Variants in SLC43A1 observed in about 807,000 individuals in gnomAD.
SLC43A1 encodes the protein large neutral amino acids transporter small subunit 3.
In SLC43A1, 31 loss-of-function variants were observed where a neutral mutation model predicts 59.5. The ratio of observed to expected loss-of-function variants is 0.52; its 90% CI spans 0.39 to 0.70. The LOEUF is 0.70. SLC43A1 is among the 30% of genes least tolerant of loss of function. SLC43A1 has a pLI of 0.00. For synonymous variants in SLC43A1, 259 were observed against 290.9 expected, an observed-to-expected ratio of 0.89 and a Z score of 1.12; for missense variants, 598 against 717.8, an observed-to-expected ratio of 0.83 and a Z score of 1.91.
In SLC43A1 at chr11:57,491,704, G is replaced by A; in HGVS notation, c.1018+12C>T. On this transcript the variant is annotated intron_variant, in intron 9 of 14. Coordinates refer to ENST00000278426, the MANE Select transcript of SLC43A1 (RefSeq NM_003627.6). ...GTGCCCCCAACCCCCAGGGGCCTCA[G>A]CGGTGCCTCACCATGCTCCTGGCCA... 4 of 1,614,256 alleles carry A rather than the reference G, an allele frequency of 2.5e-6. No individual in the cohort carries two copies. The highest frequency in any genetic ancestry group is 2.5e-6 in the Non-Finnish European group (3 of 1,180,050).
At chr11:57,503,916 A>G (rs1010327539) in intron 2 of SLC43A1, among the ~76,000 whole-genome samples, 1 of 152,158 alleles carries the variant, frequency 6.6e-6, no homozygotes, top group Admixed American at 6.5e-5. Flanking sequence ...AAGATCGGCC[A>G]GGTGCGGTGG....
At chr11:57,498,583 C>T (rs937725091) in intron 5 of SLC43A1, among the ~76,000 whole-genome samples, 1 of 152,152 alleles carries the variant, frequency 6.6e-6, no homozygotes, top group Non-Finnish European at 1.5e-5. Context: ...TTGTCGTTGT[C>T]CCAGCCCTAA....
chr11:57,493,943 G>C, intron 8 of SLC43A1, 50 bp downstream of exon 8: 1 of 1,514,908 alleles, frequency 6.6e-7, no homozygotes, highest in Non-Finnish European at 8.9e-7. Flanking sequence ...CTGAATATGA[G>C]GACCCACCAT....
At chr11:57,497,707 C>T (rs753813477) in intron 6 of SLC43A1, 46 bp downstream of exon 6, 1 of 1,495,638 alleles carries the variant, frequency 6.7e-7, no homozygotes, top group South Asian at 1.2e-5. Context: ...TCGGCCCCAC[C>T]CGGTTCTTGT....
intron 5 of SLC43A1, among the ~76,000 whole-genome samples, chr11:57,500,326 T>G (rs1017234773): frequency 6.6e-6 from 1 of 152,190 alleles, no homozygotes; most frequent in African/African-American, 2.4e-5. Context: ...ACACGCTATC[T>G]CAAGCTGCTC....
At position 57,491,835 on chromosome 11, in the gene SLC43A1, C is replaced by G. The variant is rs1479843583; in HGVS notation, c.899G>C (p.Cys300Ser). The G allele has an allele frequency of 9.9e-6, 16 of 1,614,150 alleles. No homozygotes were observed. Among genetic ancestry groups the G allele is most frequent in the Non-Finnish European group, 1.3e-5 (15 of 1,180,030 alleles). The change falls in exon 9 of 15, where the codon TGC becomes TCC. Residue 300 changes from cysteine (C) to serine (S), a missense_variant. Physicochemically the swap from Cys to Ser is moderately radical, Grantham distance 112. Coordinates refer to ENST00000278426, the MANE Select transcript of SLC43A1 (RefSeq NM_003627.6). ...GAGGCTCCACAGGAAAGTGGGGGAG[C>G]AGAGGCTCTTGCGTAAGGGGACAGA... is the stretch of plus-strand genomic sequence containing the variant. Reference protein sequence around the residue: ...ERSVPLRKSLCSPTFLWSLLT... With the variant: ...ERSVPLRKSLSSPTFLWSLLT...
intron 2 of SLC43A1, among the ~76,000 whole-genome samples, chr11:57,503,007 C>T (rs1258248883): frequency 6.6e-6 from 1 of 152,132 alleles, no homozygotes; most frequent in African/African-American, 2.4e-5. Context: ...AAAATGACCC[C>T]TGACTTTACA....
intron 2 of SLC43A1, among the ~76,000 whole-genome samples, chr11:57,505,780 G>A (rs1024594871): frequency 1.3e-5 from 2 of 152,114 alleles, no homozygotes; most frequent in Non-Finnish European, 2.9e-5. Flanking sequence ...GGTTTGGGAT[G>A]GTTGTGAAGC....
intron 5 of SLC43A1, among the ~76,000 whole-genome samples, chr11:57,500,164 TCAC>T (rs1590765134): frequency 1.3e-5 from 2 of 152,234 alleles, no homozygotes; most frequent in East Asian, 3.9e-4. Flanking sequence ...CATACACCAC[TCAC>T]CACATGTAAT....
At chr11:57,504,145 C>T (rs1365593291) in intron 2 of SLC43A1, among the ~76,000 whole-genome samples, 1 of 151,926 alleles carries the variant, frequency 6.6e-6, no homozygotes, top group Non-Finnish European at 1.5e-5. Context: ...TGCAGTGAGC[C>T]GAGATCGCGC....
chr11:57,509,163 C>A lies in SLC43A1; in HGVS notation c.154+4795G>T, dbSNP rs192003149. On this transcript the variant is annotated intron_variant, in intron 2 of 14. Transcript: ENST00000278426. ...ATTCACTTTGGTCACCTCTAGTAAT[C>A]CCTAACAGCCAGATTTAGAAGCATA... Among the ~76,000 whole-genome samples, 14 of 152,020 alleles carry A rather than the reference C, an allele frequency of 9.2e-5. No homozygotes were observed. The South Asian group carries it at 2.9e-3, about 32-fold the overall frequency.
Position 57,491,828 on chromosome 11 carries a change from G to A in SLC43A1, c.906C>T (p.Pro302=), listed in dbSNP as rs372756120. Residue 302 remains proline (P), a synonymous_variant, in exon 9 of 15, where the codon CCC becomes CCT. Transcript: ENST00000278426. The part of the protein sequence containing the change: ...SVPLRKSLCS[P]TFLWSLLTMG... Reference sequence around the variant, plus strand: ...TGGTGAGGAGGCTCCACAGGAAAGTGGGGGAGCAGAGGCTCTTGCGTAAGG... The same window carrying A: ...TGGTGAGGAGGCTCCACAGGAAAGTAGGGGAGCAGAGGCTCTTGCGTAAGG... 5.0e-6 allele frequency: 8 copies of A among 1,614,134 alleles called. No individual in the cohort carries two copies. Among genetic ancestry groups the A allele is most frequent in the South Asian group, 2.2e-5 (2 of 91,084 alleles).
intron 2 of SLC43A1, among the ~76,000 whole-genome samples, chr11:57,513,257 AC>A (rs1944598367): frequency 6.6e-6 from 1 of 152,146 alleles, no homozygotes; most frequent in South Asian, 2.1e-4. Flanking sequence ...TTCCATTTCC[AC>A]CCAGCTCCTG....
chr11:57,513,963 C>T lies in SLC43A1; in HGVS notation c.149G>A (p.Cys50Tyr). Residue 50 changes from cysteine to tyrosine, a missense_variant, in exon 2 of 15, where the codon TGC (cysteine) becomes TAC (tyrosine). By Grantham distance (194) the Cys-to-Tyr change is radical. Transcript: ENST00000278426. ...LKNEGFYSST[C>Y]PAESSTNTTQ... ...CAGCCCATTTTCAGGCATACCTGGG[C>T]ACGTGCTGGAATAGAAGCCCTCGTT... 1.3e-6 allele frequency: 1 copy of T among 778,036 alleles called. No individual in the cohort carries two copies. Among genetic ancestry groups the T allele is most frequent in the Non-Finnish European group, 2.0e-6 (1 of 494,972 alleles). 48.2% of individuals were successfully genotyped at this position (778,036 alleles called of 1,614,324 possible).
At chr11:57,488,821 C>A (rs1246018366) in intron 13 of SLC43A1, 95 bp downstream of exon 13, 1 of 1,002,170 alleles carries the variant, frequency 1.0e-6, no homozygotes, top group Non-Finnish European at 1.6e-6. Context: ...GAGAGAGGTG[C>A]ATTAGGGGAT....
In SLC43A1 at chr11:57,500,993, ACG is replaced by A; in HGVS notation, c.381_382del (p.Val128GlyfsTer98). Reference sequence around the variant, plus strand: ...CAAGAGGACAGACAACTCACCTTCCACGTCCCGGGAGGCCAGGGCCATGAGGG... The same window carrying A: ...CAAGAGGACAGACAACTCACCTTCCATCCCGGGAGGCCAGGGCCATGAGGG... On this transcript the variant is annotated frameshift_variant, in exon 4 of 15. Coordinates refer to ENST00000278426, the MANE Select transcript of SLC43A1 (RefSeq NM_003627.6). LOFTEE classifies it high-confidence loss of function. The A allele has an allele frequency of 6.3e-7, 1 of 1,598,650 alleles. No homozygotes were observed. Among genetic ancestry groups the A allele is most frequent in the Non-Finnish European group, 8.5e-7 (1 of 1,172,334 alleles).
At chr11:57,487,913 C>T (rs1023095004) in intron 13 of SLC43A1, among the ~76,000 whole-genome samples, 22 of 152,174 alleles carry the variant, frequency 1.4e-4, no homozygotes, top group African/African-American at 4.8e-4. Flanking sequence ...TTGAGACTTC[C>T]GGAGCACTAG....
chr11:57,511,997 T>A (rs1350342274), intron 2 of SLC43A1, among the ~76,000 whole-genome samples: 1 of 152,198 alleles, frequency 6.6e-6, no homozygotes, highest in East Asian at 1.9e-4. Context: ...ACTCTGGTGA[T>A]GGTTGCACTA....
At chr11:57,493,433 AG>A (rs1377532182) in intron 8 of SLC43A1, among the ~76,000 whole-genome samples, 1 of 134,688 alleles carries the variant, frequency 7.4e-6, no homozygotes, top group Non-Finnish European at 1.7e-5. Flanking sequence ...GAGCAAGGTT[AG>A]GTGATCTACA....
Sources: allele counts gnomAD v4.1 joint callset (sites outside exome capture counted in the v4.1 genomes callset), GRCh38; gene constraint gnomAD v4.1.1; transcripts MANE v1.5; gene names NCBI Gene and HGNC (gene_info 2026-07-23, HGNC 2026-07-21).